B3GALT1: variants seen among roughly 807,000 people sequenced by gnomAD.
B3GALT1 encodes the protein UDP-Gal:betaGlcNAc beta 1,3-galactosyltransferase, polypeptide 1.
Under a neutral mutation model 23.2 loss-of-function variants are expected in B3GALT1, and 10 were observed. The ratio of observed to expected loss-of-function variants is 0.43; its 90% CI spans 0.27 to 0.73. B3GALT1 has a LOEUF of 0.73. B3GALT1 is among the 30% of genes least tolerant of loss of function. The pLI is 0.21. For missense variants in B3GALT1, 299 were observed against 405.4 expected (o/e 0.74, Z 2.25); for synonymous variants, 156 against 141.5 (o/e 1.10, Z -0.73).
rs1553466249 is a variant in B3GALT1 at position 167,548,689 on chromosome 2, T to TGTGTGTGTGTGTGTGTGAGA, written c.-410+58429_-410+58430insAGAGTGTGTGTGTGTGTGTG. ...GCCTGTCCAGACGTGTGTGTGAGTG[T>TGTGTGTGTGTGTGTGTGAGA]GTGTGTGTGTGTGTGTGTGTGTGTG... On this transcript the variant is annotated intron_variant, in intron 2 of 4. Transcript: ENST00000392690. Among the ~76,000 whole-genome samples, 180 of 129,882 alleles carry TGTGTGTGTGTGTGTGTGAGA rather than the reference T, an allele frequency of 1.4e-3. 1 individual carries two copies. The highest frequency in any genetic ancestry group is 5.4e-3 in the African/African-American group (132 of 24,550). The allele number at this position is 129,882 out of a possible 152,430, so 85.2% of individuals were successfully genotyped here.
intron 3 of B3GALT1, among the ~76,000 whole-genome samples, chr2:167,798,454 T>C (rs1688579766): frequency 6.6e-6 from 1 of 152,232 alleles, no homozygotes; most frequent in South Asian, 2.1e-4. Flanking sequence ...CTTGAGTTAA[T>C]TTTTGTACAA....
At chr2:167,479,900 C>G (rs1479122366) in intron 1 of B3GALT1, among the ~76,000 whole-genome samples, 1 of 152,074 alleles carries the variant, frequency 6.6e-6, no homozygotes, top group African/African-American at 2.4e-5. Flanking sequence ...ATAGGTGCTG[C>G]TTATTAGCTG....
chr2:167,348,029 G>T (rs965694585), intron 1 of B3GALT1, among the ~76,000 whole-genome samples: 1 of 152,034 alleles, frequency 6.6e-6, no homozygotes, highest in African/African-American at 2.4e-5. Context: ...GTGACCTTGG[G>T]CATTTCTGAA....
intron 2 of B3GALT1, among the ~76,000 whole-genome samples, chr2:167,525,766 C>T (rs1683209006): frequency 7.0e-6 from 1 of 142,046 alleles, no homozygotes; most frequent in Non-Finnish European, 1.5e-5. Flanking sequence ...TGCCACCACA[C>T]CTGGCTAATT....
chr2:167,670,294 A>G (rs534530889), intron 3 of B3GALT1, among the ~76,000 whole-genome samples: 3 of 152,354 alleles, frequency 2.0e-5, no homozygotes, highest in East Asian at 1.9e-4. Flanking sequence ...TAGAGAAAAC[A>G]TGCAATCCTA....
At chr2:167,845,420 C>T (rs1689735851) in intron 4 of B3GALT1, among the ~76,000 whole-genome samples, 1 of 152,178 alleles carries the variant, frequency 6.6e-6, no homozygotes, top group Non-Finnish European at 1.5e-5. Context: ...TATCACAGGA[C>T]TCTGTGCAGA....
intron 1 of B3GALT1, among the ~76,000 whole-genome samples, chr2:167,451,417 T>C (rs1278225822): frequency 6.6e-6 from 1 of 152,174 alleles, no homozygotes; most frequent in Non-Finnish European, 1.5e-5. Context: ...CCCCTTTTCC[T>C]ATGGATGTGG....
intron 1 of B3GALT1, among the ~76,000 whole-genome samples, chr2:167,303,494 A>T (rs180717587): frequency 6.6e-6 from 1 of 152,266 alleles, no homozygotes; most frequent in East Asian, 1.9e-4. Flanking sequence ...AGAGATTAGC[A>T]TTTAAATCAT....
intron 2 of B3GALT1, among the ~76,000 whole-genome samples, chr2:167,501,926 C>T (rs1204181843): frequency 6.6e-6 from 1 of 152,100 alleles, no homozygotes. Flanking sequence ...TTCTGTTTTA[C>T]ACTCTTTAAA....
chr2:167,557,116 G>C (rs1464323237), intron 2 of B3GALT1, among the ~76,000 whole-genome samples: 1 of 151,852 alleles, frequency 6.6e-6, no homozygotes, highest in African/African-American at 2.4e-5. Context: ...GACTATAAAA[G>C]CTGGTTATCT....
chr2:167,851,728 C>T (rs1689896568), intron 4 of B3GALT1, among the ~76,000 whole-genome samples: 1 of 152,164 alleles, frequency 6.6e-6, no homozygotes, highest in Non-Finnish European at 1.5e-5. Flanking sequence ...AGCTCTCCAG[C>T]CCAAGTAGAA....
chr2:167,602,270 C>A (rs748194885), intron 2 of B3GALT1, among the ~76,000 whole-genome samples: 1 of 152,122 alleles, frequency 6.6e-6, no homozygotes, highest in Non-Finnish European at 1.5e-5. Flanking sequence ...CAGAGAGCTG[C>A]AGCTATCATT....
At chr2:167,509,177 A>C (rs553152423) in intron 2 of B3GALT1, among the ~76,000 whole-genome samples, 2 of 152,376 alleles carry the variant, frequency 1.3e-5, no homozygotes, top group East Asian at 3.9e-4. Flanking sequence ...AATAGTAGAA[A>C]GTTAGCACAT....
chr2:167,408,792 T>C (rs1242467867), intron 1 of B3GALT1, among the ~76,000 whole-genome samples: 1 of 59,474 alleles, frequency 1.7e-5, no homozygotes, highest in African/African-American at 6.3e-5. Context: ...GAAGTGAAGA[T>C]GTATACAAAA....
intron 1 of B3GALT1, among the ~76,000 whole-genome samples, chr2:167,441,629 C>T (rs1290781748): frequency 1.3e-5 from 2 of 152,180 alleles, no homozygotes; most frequent in Admixed American, 1.3e-4. Flanking sequence ...TTTATTTTTA[C>T]ATTAATTTAT....
Position 167,434,716 on chromosome 2 carries a change from C to CT in B3GALT1, c.-510-55461_-510-55460insT, listed in dbSNP as rs201862251. 5.9e-3 allele frequency among the ~76,000 whole-genome samples: 838 copies of CT among 142,054 alleles called. 12 individuals carry two copies. Among genetic ancestry groups the CT allele is most frequent in the African/African-American group, 0.02 (802 of 39,624 alleles). The allele number at this position is 142,054 out of a possible 152,430, so 93.2% of individuals were successfully genotyped here. On this transcript the variant is annotated intron_variant, in intron 1 of 4. Transcript: ENST00000392690. The stretch of plus-strand genomic sequence containing the variant: ...ATAACTTAATCTATGAATGACCCCC[C>CT]CCCCTTATTTTTTCCCTTCAACTTA...
In B3GALT1 at chr2:167,837,313, A is replaced by G. The variant is rs1401516290; in HGVS notation, c.-230+18520A>G. ...ACGTGCAGAGACACACATAGGCTCA[A>G]AACAAAAGGATGGAGGAAGATCTAC... On this transcript the variant is annotated intron_variant, in intron 4 of 4. Coordinates refer to ENST00000392690, the MANE Select transcript of B3GALT1 (RefSeq NM_020981.4). Among the ~76,000 whole-genome samples the G allele has an allele frequency of 3.9e-5, 6 of 152,262 alleles. No individual in the cohort carries two copies. The East Asian group carries it at 9.7e-4, about 25-fold the overall frequency.
chr2:167,363,255 C>G (rs1263711156), intron 1 of B3GALT1, among the ~76,000 whole-genome samples: 1 of 151,736 alleles, frequency 6.6e-6, no homozygotes, highest in South Asian at 2.1e-4. Flanking sequence ...TAAAATGTAT[C>G]CTGTTCGTTT....
intron 2 of B3GALT1, among the ~76,000 whole-genome samples, chr2:167,565,422 A>G (rs1471385476): frequency 1.3e-5 from 2 of 152,250 alleles, no homozygotes; most frequent in East Asian, 1.9e-4. Flanking sequence ...AAACCTAAGC[A>G]TTAGCATTCA....
Sources: allele counts gnomAD v4.1 joint callset (sites outside exome capture counted in the v4.1 genomes callset), GRCh38; gene constraint gnomAD v4.1.1; transcripts MANE v1.5; gene names NCBI Gene and HGNC (gene_info 2026-07-23, HGNC 2026-07-21).